TNRC6B: variants seen among roughly 807,000 people sequenced by gnomAD.
TNRC6B encodes trinucleotide repeat-containing gene 6B protein.
In TNRC6B, 52 loss-of-function variants were observed where a neutral mutation model predicts 203.6. The observed-to-expected ratio is 0.26, with a 90% confidence interval of 0.20 to 0.32. The LOEUF (loss-of-function observed/expected upper bound fraction) is 0.32. Among genes scored for constraint, TNRC6B ranks in the 10% least tolerant of loss-of-function variants. The probability of loss-of-function intolerance (pLI) is 1.00; values close to 1 mark genes in which losing one functional copy is unlikely to be tolerated. For missense variants in TNRC6B, 1,923 were observed against 2,286.2 expected, an observed-to-expected ratio of 0.84 and a Z score of 3.24; for synonymous variants, 838 against 845.7, an observed-to-expected ratio of 0.99 and a Z score of 0.16.
At position 40,331,727 on chromosome 22, in the gene TNRC6B, T is replaced by C. The variant is rs2071470066; in HGVS notation, c.*8486T>C. ...CGCTTCTTTATGTTGTAAGGTGAATTGTAACTATGCATTCTGCAAAGGGGG... is the reference window on the plus strand; with the variant it reads ...CGCTTCTTTATGTTGTAAGGTGAATCGTAACTATGCATTCTGCAAAGGGGG... On this transcript the variant is annotated 3_prime_UTR_variant, in exon 23 of 23. Transcript: ENST00000454349. The C allele has an allele frequency of 3.6e-5, 14 of 384,144 alleles. No individual in the cohort carries two copies. The South Asian group carries it at 1.8e-3, about 50-fold the overall frequency. The allele number at this position is 384,144 out of a possible 1,614,324, so 23.8% of individuals were successfully genotyped here.
Position 40,277,087 on chromosome 22 carries a change from A to G in TNRC6B, c.3152A>G (p.Lys1051Arg), listed in dbSNP as rs147386105. ...GTTTCATTTCTGTAGTGCTCACTCA[A>G]AGGAGGAAACAATGATTCATGGATG... is the stretch of plus-strand genomic sequence containing the variant. ...GGKKQMKCSL[K>R]GGNNDSWMNP... Residue 1051 changes from lysine (K) to arginine (R), a missense_variant, in exon 8 of 23, where the codon AAA becomes AGA. Coordinates refer to ENST00000454349, the MANE Select transcript of TNRC6B (RefSeq NM_001162501.2). 33 of 1,604,750 alleles carry G rather than the reference A, an allele frequency of 2.1e-5. No homozygotes were observed. The highest frequency in any genetic ancestry group is 2.5e-5 in the Non-Finnish European group (30 of 1,176,782).
At chr22:40,067,488 G>T (rs1348664083) in intron 1 of TNRC6B, among the ~76,000 whole-genome samples, 1 of 152,120 alleles carries the variant, frequency 6.6e-6, no homozygotes, top group Non-Finnish European at 1.5e-5. Context: ...TGATTATGAA[G>T]GCCGAGAAGT....
Position 40,324,293 on chromosome 22 carries a change from T to TG in TNRC6B, c.*1052_*1053insG, listed in dbSNP as rs1569071626. On this transcript the variant is annotated 3_prime_UTR_variant, in exon 23 of 23. Transcript: ENST00000454349. ...GAGCAACGGTGTGTTTATTTCTGTT[T>TG]TTTTTTTTTTTTAAGTGAATGGCCA... The TG allele has an allele frequency of 6.6e-6, 1 of 151,738 alleles. No homozygotes were observed. The highest frequency in any genetic ancestry group is 1.5e-5 in the Non-Finnish European group (1 of 67,732). 9.4% of individuals were successfully genotyped at this position (151,738 alleles called of 1,614,324 possible). A position where few individuals can be genotyped will look rare whatever the true frequency, so the allele number is the denominator to read the frequency against.
At chr22:40,101,344 C>G (rs1374944826) in intron 1 of TNRC6B, among the ~76,000 whole-genome samples, 1 of 152,164 alleles carries the variant, frequency 6.6e-6, no homozygotes, top group African/African-American at 2.4e-5. Flanking sequence ...CAGAATCACC[C>G]CGAGGGCTTG....
intron 4 of TNRC6B, among the ~76,000 whole-genome samples, chr22:40,162,896 AT>A (rs2068882816): frequency 6.6e-6 from 1 of 152,114 alleles, no homozygotes; most frequent in Non-Finnish European, 1.5e-5. Flanking sequence ...TACTCATGGA[AT>A]TTTTGCTGCT....
At chr22:40,255,348 A>G (rs973659384) in intron 3 of TNRC6B, among the ~76,000 whole-genome samples, 1 of 152,262 alleles carries the variant, frequency 6.6e-6, no homozygotes. Context: ...GTTATGGGCC[A>G]TCGCAGGACG....
intron 1 of TNRC6B, among the ~76,000 whole-genome samples, chr22:40,048,056 G>GA (rs1368559508): frequency 1.3e-5 from 2 of 152,300 alleles, no homozygotes; most frequent in Non-Finnish European, 2.9e-5. Flanking sequence ...TGGGGTCTTG[G>GA]AAAATTCTGT....
intron 12 of TNRC6B, among the ~76,000 whole-genome samples, chr22:40,288,544 ATT>A (rs778911598): frequency 1.2e-4 from 17 of 143,150 alleles, no homozygotes; most frequent in Non-Finnish European, 1.2e-4. Context: ...ATCTCTACAA[ATT>A]TTTTTTTTTT....
intron 15 of TNRC6B, among the ~76,000 whole-genome samples, chr22:40,307,549 G>A (rs1215189979): frequency 6.6e-6 from 1 of 151,534 alleles, no homozygotes; most frequent in East Asian, 1.9e-4. Flanking sequence ...AATGGATGAC[G>A]GACCCTGTTA....
Position 40,323,065 on chromosome 22 carries a change from A to G in TNRC6B, c.5326A>G (p.Ser1776Gly). ...TGGGTCCACTGGGCTCGGGCAGTGG[A>G]GCAGCAGCGCTGGTGGCAGCAGCGG... is the stretch of plus-strand genomic sequence containing the variant. The part of the protein sequence containing the change: ...FGGSTGLGQW[S>G]SSAGGSSGAD... Residue 1776 changes from serine (S) to glycine (G), a missense_variant, in exon 23 of 23, where the codon AGC (serine) becomes GGC (glycine). By Grantham distance (56) the Ser-to-Gly change is moderately conservative. Transcript: ENST00000454349. The G allele has an allele frequency of 6.2e-7, 1 of 1,603,332 alleles. No individual in the cohort carries two copies.
At chr22:40,289,411 A>G (rs1018752941) in intron 12 of TNRC6B, among the ~76,000 whole-genome samples, 1 of 152,224 alleles carries the variant, frequency 6.6e-6, no homozygotes, top group Non-Finnish European at 1.5e-5. Flanking sequence ...GAGTCTAGGT[A>G]AGGCAGCGAC....
intron 2 of TNRC6B, among the ~76,000 whole-genome samples, chr22:40,250,673 G>A (rs556983648): frequency 6.6e-6 from 1 of 152,120 alleles, no homozygotes; most frequent in African/African-American, 2.4e-5. Context: ...AAAACTGGGG[G>A]TCTCATAGCC....
At chr22:40,106,638 C>A in intron 1 of TNRC6B, 1 of 736,128 alleles carries the variant, frequency 1.4e-6, no homozygotes, top group Non-Finnish European at 2.5e-6. Context: ...TTTGGGTACC[C>A]CCAAGCAATA....
chr22:40,112,575 G>A (rs2068348084), intron 1 of TNRC6B, among the ~76,000 whole-genome samples: 1 of 152,222 alleles, frequency 6.6e-6, no homozygotes, highest in South Asian at 2.1e-4. Flanking sequence ...TTACTCTTAA[G>A]ACAGGAAAGG....
chr22:40,218,324 CTTTT>C (rs71199275), intron 1 of TNRC6B, among the ~76,000 whole-genome samples: 1 of 97,460 alleles, frequency 1.0e-5, no homozygotes. Context: ...TTTTTCTTTT[CTTTT>C]TTTTTTTTTT....
chr22:40,091,694 G>C (rs1287760534), intron 1 of TNRC6B, among the ~76,000 whole-genome samples: 1 of 152,174 alleles, frequency 6.6e-6, no homozygotes. Flanking sequence ...TGTGAAGGCA[G>C]GGATACCAAT....
chr22:40,286,343 A>T (rs1472104353), intron 12 of TNRC6B, among the ~76,000 whole-genome samples: 1 of 152,152 alleles, frequency 6.6e-6, no homozygotes, highest in Non-Finnish European at 1.5e-5. Context: ...CCAGGCATAA[A>T]GAACAAAACA....
chr22:40,131,847 CAG>C (rs1170913270), intron 3 of TNRC6B, among the ~76,000 whole-genome samples: 1 of 152,284 alleles, frequency 6.6e-6, no homozygotes, highest in East Asian at 1.9e-4. Context: ...GACAAGTTGA[CAG>C]AGTTTTTGTT....
chr22:40,228,274 T>TA (rs1192591966), intron 1 of TNRC6B, among the ~76,000 whole-genome samples: 3 of 151,284 alleles, frequency 2.0e-5, no homozygotes, highest in Non-Finnish European at 4.4e-5. Context: ...CTAAAAATAC[T>TA]AAAAAATTAG....
Sources: allele counts gnomAD v4.1 joint callset (sites outside exome capture counted in the v4.1 genomes callset), GRCh38; gene constraint gnomAD v4.1.1; transcripts MANE v1.5; gene names NCBI Gene and HGNC (gene_info 2026-07-23, HGNC 2026-07-21).